The following SLC6A6 variants were observed in gnomAD, a reference collection of about 807,000 sequenced individuals.
SLC6A6 encodes the protein sodium- and chloride-dependent taurine transporter.
A neutral mutation model predicts 68.8 loss-of-function variants in SLC6A6; 16 were observed. That is an observed-to-expected ratio of 0.23 (90% CI 0.16 to 0.35). SLC6A6 has a LOEUF of 0.35. Among genes scored for constraint, SLC6A6 ranks in the 10% least tolerant of loss-of-function variants. SLC6A6 has a pLI of 1.00. For synonymous variants in SLC6A6, 312 were observed against 315.4 expected, an observed-to-expected ratio of 0.99 and a Z score of 0.12; for missense variants, 474 against 802.8, an observed-to-expected ratio of 0.59 and a Z score of 4.95.
At chr3:14,429,078 T>TC (rs1363304585) in intron 2 of SLC6A6, among the ~76,000 whole-genome samples, 1 of 152,014 alleles carries the variant, frequency 6.6e-6, no homozygotes, top group Non-Finnish European at 1.5e-5. Flanking sequence ...CCAAGGCTTC[T>TC]CCCCCCAGTC....
chr3:14,406,815 A>G (rs1430296437), intron 1 of SLC6A6, among the ~76,000 whole-genome samples: 3 of 152,100 alleles, frequency 2.0e-5, no homozygotes, highest in African/African-American at 7.2e-5. Context: ...GTGGCCAACC[A>G]CCCTTCTCTT....
intron 2 of SLC6A6, among the ~76,000 whole-genome samples, chr3:14,425,620 A>G (rs1419668665): frequency 2.0e-5 from 3 of 151,762 alleles, no homozygotes; most frequent in Non-Finnish European, 4.4e-5. Flanking sequence ...TACATGGGAG[A>G]ATAAGCTGAT....
chr3:14,447,924 G>T, intron 5 of SLC6A6, 108 bp downstream of exon 5: 2 of 1,513,440 alleles, frequency 1.3e-6, no homozygotes, highest in Non-Finnish European at 8.8e-7. Context: ...CTTCGGGGGA[G>T]TGGGAGGAGG....
intron 2 of SLC6A6, among the ~76,000 whole-genome samples, chr3:14,424,569 G>A (rs1699549209): frequency 6.6e-6 from 1 of 151,956 alleles, no homozygotes; most frequent in Non-Finnish European, 1.5e-5. Context: ...AGGGGGTGGG[G>A]TTGGGTCTGG....
At chr3:14,444,565 G>T (rs545703700) in intron 3 of SLC6A6, among the ~76,000 whole-genome samples, 1 of 152,296 alleles carries the variant, frequency 6.6e-6, no homozygotes, top group South Asian at 2.1e-4. Flanking sequence ...TCTTGCTGGT[G>T]CCATGATGGG....
At chr3:14,419,359 A>G (rs1212704539) in intron 2 of SLC6A6, among the ~76,000 whole-genome samples, 1 of 152,190 alleles carries the variant, frequency 6.6e-6, no homozygotes, top group Non-Finnish European at 1.5e-5. Context: ...TGGGCACGTC[A>G]CTTGAGGGCT....
Position 14,457,959 on chromosome 3 carries a change from G to A in SLC6A6, c.609G>A (p.Val203=), listed in dbSNP as rs752754187. ...CTGTGTTTGCTTCAAGGCGCAACGTGCTGAGCTTGTCCCCTGGAATCGACC... is the reference window on the plus strand; with the variant it reads ...CTGTGTTTGCTTCAAGGCGCAACGTACTGAGCTTGTCCCCTGGAATCGACC... ...SPVIEFWERN[V]LSLSPGIDHP... Residue 203 remains valine, a synonymous_variant, in exon 6 of 15, where the codon GTG becomes GTA. Transcript: ENST00000622186. 1 of 1,614,186 alleles carries A rather than the reference G, an allele frequency of 6.2e-7. No homozygotes were observed. The highest frequency in any genetic ancestry group is 1.7e-5 in the Admixed American group (1 of 60,028).
At chr3:14,484,767 A>G in intron 14 of SLC6A6, 100 bp from the exon 15 acceptor site, 2 of 1,284,580 alleles carry the variant, frequency 1.6e-6, no homozygotes, top group Non-Finnish European at 2.2e-6. Context: ...CCAAAAACCA[A>G]ACAGCACATG....
At chr3:14,428,447 G>C (rs1452313735) in intron 2 of SLC6A6, among the ~76,000 whole-genome samples, 1 of 152,198 alleles carries the variant, frequency 6.6e-6, no homozygotes, top group African/African-American at 2.4e-5. Context: ...CTTTCTAAGT[G>C]CCTGCTGTAT....
chr3:14,451,090 T>A (rs1006719397), intron 5 of SLC6A6, among the ~76,000 whole-genome samples: 28 of 152,358 alleles, frequency 1.8e-4, no homozygotes, highest in African/African-American at 6.7e-4. Flanking sequence ...GATCTCTCCG[T>A]GCCTTATCCT....
intron 1 of SLC6A6, among the ~76,000 whole-genome samples, chr3:14,411,596 C>G (rs1699253617): frequency 6.6e-6 from 1 of 152,204 alleles, no homozygotes; most frequent in Non-Finnish European, 1.5e-5. Flanking sequence ...ACTGGGGACA[C>G]ATCAAGGGGA....
At chr3:14,445,433 AAAAAGAAAAAAAGAAAG>A (rs796789651) in intron 3 of SLC6A6, among the ~76,000 whole-genome samples, 253 of 125,272 alleles carry the variant, frequency 2.0e-3, no homozygotes, top group African/African-American at 9.1e-3. Flanking sequence ...AAGAAAAAAA[AAAAAGAAAAAAAGAAAG>A]AAAGAAAGAA....
At chr3:14,422,789 C>T (rs1234816269) in intron 2 of SLC6A6, among the ~76,000 whole-genome samples, 1 of 152,204 alleles carries the variant, frequency 6.6e-6, no homozygotes, top group Non-Finnish European at 1.5e-5. Context: ...TTGCAAAGGA[C>T]TCACGCCTCC....
Position 14,450,707 on chromosome 3 carries a change from G to A in SLC6A6, c.599+2891G>A, listed in dbSNP as rs3773186. 0.51 allele frequency among the ~76,000 whole-genome samples: 77,810 copies of A among 152,030 alleles called. 21,121 individuals are homozygous for A. The highest frequency in any genetic ancestry group is 0.7 in the African/African-American group (29,130 of 41,484). On this transcript the variant is annotated intron_variant, in intron 5 of 14. Coordinates refer to ENST00000622186, the MANE Select transcript of SLC6A6 (RefSeq NM_003043.6). This position sits in a 1 kb window ranked among gnomAD's most constrained non-coding sequence, Gnocchi z 4.1. The stretch of plus-strand genomic sequence containing the variant: ...TCACAGCACAGGCCGAGGCCAGAGA[G>A]CTACACCAGGGGACAGCTCAGTTCC...
At chr3:14,460,907 A>G (rs1700479855) in intron 6 of SLC6A6, among the ~76,000 whole-genome samples, 1 of 152,220 alleles carries the variant, frequency 6.6e-6, no homozygotes, top group African/African-American at 2.4e-5. Context: ...CCCTGGCCAC[A>G]GACCAGGTTT....
chr3:14,467,047 C>G (rs1188492656), intron 7 of SLC6A6, among the ~76,000 whole-genome samples: 1 of 152,150 alleles, frequency 6.6e-6, no homozygotes, highest in East Asian at 1.9e-4. Flanking sequence ...TGCGGGCTTC[C>G]TTGGCTGAGG....
At chr3:14,443,886 G>A in intron 3 of SLC6A6, 23 bp downstream of exon 3, 1 of 1,546,108 alleles carries the variant, frequency 6.5e-7, no homozygotes, top group South Asian at 1.1e-5. Context: ...CGGGCCACAG[G>A]GGAGCCCATC....
At chr3:14,447,898 A>G in intron 5 of SLC6A6, 82 bp downstream of exon 5, 1 of 1,562,480 alleles carries the variant, frequency 6.4e-7, no homozygotes, top group Non-Finnish European at 8.7e-7. Flanking sequence ...CTCCCCTGGG[A>G]TACAGGAGCC....
At position 14,477,466 on chromosome 3, in the gene SLC6A6, C is replaced by A; in HGVS notation, c.1347+124C>A. 1 of 996,696 alleles carries A rather than the reference C, an allele frequency of 1.0e-6. No homozygotes were observed. The highest frequency in any genetic ancestry group is 2.0e-5 in the Admixed American group (1 of 49,746). 61.7% of individuals were successfully genotyped at this position (996,696 alleles called of 1,614,324 possible). The stretch of plus-strand genomic sequence containing the variant: ...CTTCATCTCCCAGCCCCACCCAATT[C>A]AGGGGTCCTGCTTGGACCAACACTG... On this transcript the variant is annotated intron_variant, in intron 11 of 14. Coordinates refer to ENST00000622186, the MANE Select transcript of SLC6A6 (RefSeq NM_003043.6). This position sits in a 1 kb window ranked among gnomAD's most constrained non-coding sequence, Gnocchi z 4.2.
Sources: allele counts gnomAD v4.1 joint callset (sites outside exome capture counted in the v4.1 genomes callset), GRCh38; gene constraint gnomAD v4.1.1; non-coding constraint Gnocchi (gnomAD v3.1); transcripts MANE v1.5; gene names NCBI Gene and HGNC (gene_info 2026-07-23, HGNC 2026-07-21).